The following COL11A1 variants were observed in gnomAD, a reference collection of about 807,000 sequenced individuals.
COL11A1 encodes collagen type XI alpha 1 chain, also known as collagen alpha-1(XI) chain.
A neutral mutation model predicts 265.2 loss-of-function variants in COL11A1; 74 were observed. The observed-to-expected ratio is 0.28, with a 90% CI of 0.23 to 0.34. The LOEUF (loss-of-function observed/expected upper bound fraction) is 0.34, where lower values mean the gene tolerates loss of function less well. Among genes scored for constraint, COL11A1 ranks in the 10% least tolerant of loss-of-function variants. COL11A1 has a pLI of 1.00. For synonymous variants in COL11A1, 816 were observed against 727.6 expected, an observed-to-expected ratio of 1.12 and a Z score of -1.96; for missense variants, 2,165 against 2,263.6, an observed-to-expected ratio of 0.96 and a Z score of 0.88.
chr1:103,086,112 C>T (rs1416639343), intron 1 of COL11A1, among the ~76,000 whole-genome samples: 1 of 152,142 alleles, frequency 6.6e-6, no homozygotes, highest in African/African-American at 2.4e-5. Context: ...TAATTGATTC[C>T]TGATGTTCAT....
intron 4 of COL11A1, among the ~76,000 whole-genome samples, chr1:103,054,796 G>C (rs528585568): frequency 6.6e-6 from 1 of 152,076 alleles, no homozygotes; most frequent in Non-Finnish European, 1.5e-5. Context: ...AGATACTCTG[G>C]ACTATGAGGC....
intron 5 of COL11A1, 44 bp downstream of exon 5, chr1:103,031,072 T>C: frequency 6.2e-7 from 1 of 1,610,466 alleles, no homozygotes; most frequent in Non-Finnish European, 8.5e-7. Context: ...GCGATGTCCA[T>C]ATCACTGAAA....
chr1:102,948,794 C>T (rs1001010643), intron 41 of COL11A1, among the ~76,000 whole-genome samples: 2 of 151,716 alleles, frequency 1.3e-5, no homozygotes, highest in Non-Finnish European at 2.9e-5. Flanking sequence ...AAATAGTCAA[C>T]CACAAGTTGT....
chr1:103,064,702 A>AG (rs1352744917), intron 4 of COL11A1, among the ~76,000 whole-genome samples: 1 of 137,606 alleles, frequency 7.3e-6, no homozygotes, highest in Non-Finnish European at 1.5e-5. Flanking sequence ...AAAAAAAAGA[A>AG]AAAAAAAAAA....
In COL11A1 at chr1:102,921,574, G is replaced by T. The variant is rs372709465; in HGVS notation, c.3655-3C>A. 6.2e-7 allele frequency: 1 copy of T among 1,611,760 alleles called. No homozygotes were observed. Among genetic ancestry groups the T allele is most frequent in the Non-Finnish European group, 8.5e-7 (1 of 1,178,792 alleles). ...GGGCCTGGAGGACCAGGTGGCCCCT[G>T]TAAGAGAGAAATATTGAGGTTTACA... On this transcript the variant is annotated splice_polypyrimidine_tract_variant and splice_region_variant and intron_variant, in intron 47 of 66. Coordinates refer to ENST00000370096, the MANE Select transcript of COL11A1 (RefSeq NM_001854.4).
rs958015965 is a variant in COL11A1 at position 103,066,728 on chromosome 1, C to T, written c.651+7890G>A. 4.6e-5 allele frequency among the ~76,000 whole-genome samples: 7 copies of T among 151,870 alleles called. 1 individual carries two copies. In the Middle Eastern group the frequency reaches 0.01, roughly 223 times the overall value. On this transcript the variant is annotated intron_variant, in intron 4 of 66. Coordinates refer to ENST00000370096, the MANE Select transcript of COL11A1 (RefSeq NM_001854.4). ...AAATTATGTTATTAGTTTCATGACACCAATTAAAAGGCAGAAATTTATAGA... is the reference window on the plus strand; with the variant it reads ...AAATTATGTTATTAGTTTCATGACATCAATTAAAAGGCAGAAATTTATAGA...
intron 41 of COL11A1, among the ~76,000 whole-genome samples, chr1:102,960,769 G>T (rs561667954): frequency 1.3e-5 from 2 of 152,108 alleles, no homozygotes; most frequent in Admixed American, 1.3e-4. Context: ...TATAGCAATT[G>T]GGGTTGAACT....
intron 62 of COL11A1, among the ~76,000 whole-genome samples, chr1:102,888,058 T>C (rs1211577292): frequency 1.3e-5 from 2 of 152,200 alleles, no homozygotes; most frequent in African/African-American, 4.8e-5. Flanking sequence ...ATACATATAG[T>C]TGGAAAGATT....
intron 4 of COL11A1, among the ~76,000 whole-genome samples, chr1:103,042,250 A>G (rs1668870921): frequency 6.6e-6 from 1 of 152,108 alleles, no homozygotes; most frequent in African/African-American, 2.4e-5. Flanking sequence ...TATTCAGATT[A>G]TTATACACAA....
In COL11A1 at chr1:103,086,491, G is replaced by A. The variant is rs571143475; in HGVS notation, c.107-3519C>T. Among the ~76,000 whole-genome samples the A allele has an allele frequency of 3.6e-3, 542 of 152,090 alleles. 4 individuals are homozygous for A. The highest frequency in any genetic ancestry group is 0.013 in the African/African-American group (522 of 41,506). ...GAGTGCAGTGGCGCGATCTCGGCTC[G>A]CTGCAAGCCCCGCCTCCCAGGTTCA... is the stretch of plus-strand genomic sequence containing the variant. On this transcript the variant is annotated intron_variant, in intron 1 of 66. Coordinates refer to ENST00000370096, the MANE Select transcript of COL11A1 (RefSeq NM_001854.4).
rs1413811284 is a variant in COL11A1 at position 103,022,881 on chromosome 1, T to A, written c.1106A>T (p.Asp369Val). Residue 369 changes from aspartate to valine, a missense_variant, in exon 8 of 67, where the codon GAT becomes GTT. Coordinates refer to ENST00000370096, the MANE Select transcript of COL11A1 (RefSeq NM_001854.4). ...LYENKEIDGR[D>V]SDLLVDGDLG... ...ATCTCCATCTACCAGAAGATCAGAATCCCTGCCGTCTATTTCTTTGTTTTC... is the reference window on the plus strand; with the variant it reads ...ATCTCCATCTACCAGAAGATCAGAAACCCTGCCGTCTATTTCTTTGTTTTC... 10 of 1,613,996 alleles carry A rather than the reference T, an allele frequency of 6.2e-6. No individual in the cohort carries two copies. The highest frequency in any genetic ancestry group is 8.5e-6 in the Non-Finnish European group (10 of 1,179,972).
At chr1:103,013,480 G>T (rs1264122676) in intron 13 of COL11A1, among the ~76,000 whole-genome samples, 1 of 151,786 alleles carries the variant, frequency 6.6e-6, no homozygotes, top group Admixed American at 6.6e-5. Context: ...ATAAGTTATA[G>T]AAATCTTTAG....
chr1:102,955,598 CTG>C (rs1181641639), intron 41 of COL11A1, among the ~76,000 whole-genome samples: 1 of 152,022 alleles, frequency 6.6e-6, no homozygotes, highest in Non-Finnish European at 1.5e-5. Context: ...AGATAAATAA[CTG>C]TTGTTAATGA....
intron 1 of COL11A1, among the ~76,000 whole-genome samples, chr1:103,104,377 G>A (rs958153013): frequency 6.6e-6 from 1 of 151,926 alleles, no homozygotes; most frequent in African/African-American, 2.4e-5. Context: ...GTATTTTAAG[G>A]ATAACTTAAC....
At chr1:103,030,754 A>C in intron 5 of COL11A1, 1 of 314,814 alleles carries the variant, frequency 3.2e-6, no homozygotes, top group Non-Finnish European at 6.2e-6. Context: ...GGGAGATGGC[A>C]TGTACACCAG....
intron 54 of COL11A1, 48 bp downstream of exon 54, chr1:102,912,111 T>C: frequency 7.0e-7 from 1 of 1,421,488 alleles, no homozygotes. Context: ...AATTTATCCA[T>C]GGTGACTAAT....
rs557228112 is a variant in COL11A1, at chr1:103,094,878, T to G, written c.107-11906A>C. ...CATGGATTTTCAATGCACAGGGAGT[T>G]GGCTCCTCTTACTCTTATGTTGGTC... On this transcript the variant is annotated intron_variant, in intron 1 of 66. Coordinates refer to ENST00000370096, the MANE Select transcript of COL11A1 (RefSeq NM_001854.4). Among the ~76,000 whole-genome samples the G allele has an allele frequency of 2.6e-5, 4 of 152,212 alleles. No individual in the cohort carries two copies. In the East Asian group the frequency reaches 5.8e-4, roughly 22 times the overall value.
At position 103,108,098 on chromosome 1, in the gene COL11A1, G is replaced by T. The variant is rs1027288806; in HGVS notation, c.81C>A (p.Leu27=). 15 of 1,613,710 alleles carry T rather than the reference G, an allele frequency of 9.3e-6. No individual in the cohort carries two copies. Among genetic ancestry groups the T allele is most frequent in the African/African-American group, 5.3e-5 (4 of 74,812 alleles). The change falls in exon 1 of 67, where the codon CTC becomes CTA. Residue 27 remains leucine (L), a synonymous_variant. Transcript: ENST00000370096. ...FTVTTLALTF[L]FQAREVRGAA... is the part of the protein sequence containing the mutation. ...CTCCTCTGACCTCTCTAGCTTGGAA[G>T]AGGAAGGTCAATGCGAGGGTTGTTA...
chr1:102,967,270 T>G (rs1661515802), intron 37 of COL11A1, among the ~76,000 whole-genome samples: 1 of 103,740 alleles, frequency 9.6e-6, no homozygotes, highest in Non-Finnish European at 1.8e-5. Context: ...AGACGGAGTC[T>G]CGCTCTGTCG....
Sources: allele counts gnomAD v4.1 joint callset (sites outside exome capture counted in the v4.1 genomes callset), GRCh38; gene constraint gnomAD v4.1.1; transcripts MANE v1.5; gene names NCBI Gene and HGNC (gene_info 2026-07-23, HGNC 2026-07-21).